LIMK1: variants seen among roughly 807,000 people sequenced by gnomAD.
The protein encoded by LIMK1 is LIM domain kinase 1, also known as LIM motif-containing protein kinase.
In LIMK1, 21 loss-of-function variants were observed where a neutral mutation model predicts 77.6. That is an observed-to-expected ratio of 0.27 (90% CI 0.19 to 0.39). LIMK1 has a LOEUF of 0.39. Ranked by LOEUF, LIMK1 falls within the 10% of genes least tolerant of loss-of-function variation. The probability of loss-of-function intolerance (pLI) is 1.00; values close to 1 mark genes in which losing one functional copy is unlikely to be tolerated. For missense variants in LIMK1, 696 were observed against 901.6 expected, an observed-to-expected ratio of 0.77 and a Z score of 2.92; for synonymous variants, 358 against 370.0, an observed-to-expected ratio of 0.97 and a Z score of 0.37.
rs574461661 is a variant in LIMK1 at position 74,116,656 on chromosome 7, T to A, written c.1567+698T>A. 4.0e-5 allele frequency among the ~76,000 whole-genome samples: 6 copies of A among 151,556 alleles called. No individual in the cohort carries two copies. In the East Asian group the frequency reaches 1.2e-3, roughly 30 times the overall value. On this transcript the variant is annotated intron_variant, in intron 13 of 15. Coordinates refer to ENST00000336180, the MANE Select transcript of LIMK1 (RefSeq NM_002314.4). ...CTGCAAAGCATCTTCTCTTCTCTGA[T>A]CTCTGCATCCATCCCCGCATCTCTT...
intron 5 of LIMK1, among the ~76,000 whole-genome samples, chr7:74,102,603 C>T (rs1347769256): frequency 6.6e-6 from 1 of 150,542 alleles, no homozygotes; most frequent in Non-Finnish European, 1.5e-5. Context: ...CCCACCTCTG[C>T]CTCCCAAGTA....
intron 12 of LIMK1, 71 bp from the exon 13 acceptor site, chr7:74,115,731 C>A: frequency 6.4e-7 from 1 of 1,555,186 alleles, no homozygotes. Flanking sequence ...GGCTTGGGGT[C>A]CTGGGGAGGG....
At chr7:74,102,890 C>T (rs1272703981) in intron 5 of LIMK1, among the ~76,000 whole-genome samples, 8 of 136,046 alleles carry the variant, frequency 5.9e-5, no homozygotes, top group Admixed American at 1.5e-4. Context: ...TTTTTTGAGA[C>T]GGAATTTTGC....
intron 2 of LIMK1, among the ~76,000 whole-genome samples, chr7:74,091,578 A>G (rs1478807883): frequency 6.6e-6 from 1 of 152,136 alleles, no homozygotes; most frequent in African/African-American, 2.4e-5. Flanking sequence ...CAAAAGTCTC[A>G]CAGCGCGTGA....
At chr7:74,089,701 T>C (rs1799201202) in intron 2 of LIMK1, among the ~76,000 whole-genome samples, 1 of 151,818 alleles carries the variant, frequency 6.6e-6, no homozygotes, top group Non-Finnish European at 1.5e-5. Flanking sequence ...GGAGGGGACA[T>C]GGGCTATCCA....
intron 4 of LIMK1, 133 bp from the exon 5 acceptor site, chr7:74,098,895 AGAGT>A: frequency 1.5e-6 from 1 of 682,290 alleles, no homozygotes; most frequent in Non-Finnish European, 2.5e-6. Flanking sequence ...TGTAATCAAC[AGAGT>A]GAGACTCCAT....
At chr7:74,106,322 G>A (rs1799574152) in intron 7 of LIMK1, 79 bp downstream of exon 7, 1 of 1,493,954 alleles carries the variant, frequency 6.7e-7, no homozygotes, top group Non-Finnish European at 9.0e-7. Context: ...CTAGGTCGGG[G>A]AGCCAGCCCT....
chr7:74,108,861 G>A, intron 9 of LIMK1, 44 bp from the exon 10 acceptor site: 8 of 1,601,176 alleles, frequency 5.0e-6, no homozygotes, highest in Non-Finnish European at 6.8e-6. Context: ...AAGCACAGCT[G>A]GGACCACACA....
intron 5 of LIMK1, among the ~76,000 whole-genome samples, chr7:74,104,537 A>C (rs1396752849): frequency 2.0e-5 from 3 of 151,944 alleles, no homozygotes; most frequent in Non-Finnish European, 4.4e-5. Context: ...AGGCAAGAGA[A>C]TCACTTGAAC....
intron 2 of LIMK1, among the ~76,000 whole-genome samples, chr7:74,086,326 T>G (rs1310199788): frequency 6.6e-6 from 1 of 152,114 alleles, no homozygotes; most frequent in African/African-American, 2.4e-5. Flanking sequence ...ATGACAGACA[T>G]AAACCACCGC....
At position 74,107,001 on chromosome 7, in the gene LIMK1, GC is replaced by G. The variant is rs782176889; in HGVS notation, c.882-3del. ...CCCGGTGGCACTTGGCACCATGTGT[GC>G]CCCCCAGGAGGAGCTGCAGCATCGA... is the stretch of plus-strand genomic sequence containing the variant. On this transcript the variant is annotated splice_region_variant and splice_polypyrimidine_tract_variant and intron_variant, in intron 7 of 15. Coordinates refer to ENST00000336180, the MANE Select transcript of LIMK1 (RefSeq NM_002314.4). 2.6e-6 allele frequency: 4 copies of G among 1,566,352 alleles called. No individual in the cohort carries two copies. Among genetic ancestry groups the G allele is most frequent in the South Asian group, 2.4e-5 (2 of 84,840 alleles).
rs372383888 is a variant in LIMK1 at position 74,084,389 on chromosome 7, A to G, written c.55+344A>G. ...CTCGCCCTGGGGCCACCCTTTATCC[A>G]GTCTCGGAAGAAAGAGCGGCTGGGG... On this transcript the variant is annotated intron_variant, in intron 1 of 15. Transcript: ENST00000336180. Among the ~76,000 whole-genome samples, 25 of 152,122 alleles carry G rather than the reference A, an allele frequency of 1.6e-4. No individual in the cohort carries two copies. The East Asian group carries it at 2.9e-3, about 18-fold the overall frequency.
At chr7:74,097,608 G>A (rs974035816) in intron 4 of LIMK1, among the ~76,000 whole-genome samples, 8 of 152,162 alleles carry the variant, frequency 5.3e-5, no homozygotes, top group East Asian at 1.9e-4. Flanking sequence ...CCTGGGAGGT[G>A]GAAGTTGCAG....
At chr7:74,113,141 C>T (rs948071853) in intron 12 of LIMK1, among the ~76,000 whole-genome samples, 6 of 151,922 alleles carry the variant, frequency 3.9e-5, no homozygotes, top group Admixed American at 6.6e-5. Context: ...GGCAACATTA[C>T]GAAAGCCCAT....
At chr7:74,085,284 T>C (rs1554693887) in intron 1 of LIMK1, among the ~76,000 whole-genome samples, 1 of 152,140 alleles carries the variant, frequency 6.6e-6, no homozygotes, top group Non-Finnish European at 1.5e-5. Flanking sequence ...GCCCTTGACC[T>C]CCCAGCTGGC....
chr7:74,106,339 A>C, intron 7 of LIMK1, 96 bp downstream of exon 7: 9 of 1,390,556 alleles, frequency 6.5e-6, no homozygotes, highest in South Asian at 1.4e-5. Flanking sequence ...CCCTGCACAA[A>C]TGCAGCCCAG....
At chr7:74,102,504 G>T (rs1304655205) in intron 5 of LIMK1, among the ~76,000 whole-genome samples, 1 of 7,458 alleles carries the variant, frequency 1.3e-4, no homozygotes, top group Non-Finnish European at 1.2e-3. Flanking sequence ...TTTTTTTTTG[G>T]AGACAGGGTA....
At chr7:74,117,833 C>T (rs1319813206) in intron 13 of LIMK1, among the ~76,000 whole-genome samples, 1 of 152,086 alleles carries the variant, frequency 6.6e-6, no homozygotes, top group Admixed American at 6.6e-5. Flanking sequence ...ATAGGCCAGG[C>T]ACAGTGGCTC....
chr7:74,102,151 C>A (rs752252878), intron 5 of LIMK1, among the ~76,000 whole-genome samples: 1 of 152,092 alleles, frequency 6.6e-6, no homozygotes, highest in African/African-American at 2.4e-5. Flanking sequence ...GCATGCAAAG[C>A]CTGTATCAAT....
Sources: allele counts gnomAD v4.1 joint callset (sites outside exome capture counted in the v4.1 genomes callset), GRCh38; gene constraint gnomAD v4.1.1; transcripts MANE v1.5; gene names NCBI Gene and HGNC (gene_info 2026-07-23, HGNC 2026-07-21).